Variants in ADGRL2 observed in about 807,000 individuals in gnomAD.
ADGRL2 encodes the protein calcium-independent alpha-latrotoxin receptor 2.
Under a neutral mutation model 157.4 loss-of-function variants are expected in ADGRL2, and 44 were observed. The observed-to-expected ratio is 0.28, with a 90% CI of 0.22 to 0.36. The LOEUF is 0.36. Among genes scored for constraint, ADGRL2 ranks in the 10% least tolerant of loss-of-function variants. The pLI is 1.00. For synonymous variants in ADGRL2, 585 were observed against 624.7 expected (o/e 0.94, Z 0.95); for missense variants, 1,510 against 1,768.9 (o/e 0.85, Z 2.63).
chr1:81,344,685 A>AT (rs1557613400), intron 1 of ADGRL2, among the ~76,000 whole-genome samples: 4 of 151,332 alleles, frequency 2.6e-5, no homozygotes, highest in Non-Finnish European at 5.9e-5. Context: ...AAAAAAAAAA[A>AT]AAAAAGCAGA....
intron 2 of ADGRL2, among the ~76,000 whole-genome samples, chr1:81,864,852 G>A (rs1163869044): frequency 2.0e-5 from 3 of 152,136 alleles, no homozygotes; most frequent in Non-Finnish European, 4.4e-5. Context: ...TGGGTGTTGT[G>A]GTGGGTGCCT....
At chr1:81,394,945 C>A (rs1301034288) in intron 1 of ADGRL2, among the ~76,000 whole-genome samples, 1 of 151,720 alleles carries the variant, frequency 6.6e-6, no homozygotes, top group Non-Finnish European at 1.5e-5. Flanking sequence ...GTCACCCTGG[C>A]CAGAGTGCAG....
At chr1:81,471,445 A>G (rs2078170174) in intron 2 of ADGRL2, among the ~76,000 whole-genome samples, 1 of 152,274 alleles carries the variant, frequency 6.6e-6, no homozygotes, top group Non-Finnish European at 1.5e-5. Context: ...TAGCCACTAG[A>G]TGTCAATACA....
At chr1:81,488,607 C>T (rs912782777) in intron 2 of ADGRL2, among the ~76,000 whole-genome samples, 1 of 151,218 alleles carries the variant, frequency 6.6e-6, no homozygotes, top group African/African-American at 2.4e-5. Context: ...ACCTGGGAGG[C>T]TGAGGTGAGA....
At chr1:81,933,467 AC>A (rs1449499475) in intron 3 of ADGRL2, among the ~76,000 whole-genome samples, 4 of 152,204 alleles carry the variant, frequency 2.6e-5, no homozygotes, top group Non-Finnish European at 5.9e-5. Flanking sequence ...GAAAATACAA[AC>A]GACTAAACAC....
intron 2 of ADGRL2, among the ~76,000 whole-genome samples, chr1:81,883,037 T>C (rs1363946369): frequency 1.3e-5 from 2 of 152,216 alleles, no homozygotes; most frequent in African/African-American, 4.8e-5. Flanking sequence ...AAACTATCTC[T>C]GTTTACTCTT....
chr1:81,953,589 C>T (rs925319112), intron 10 of ADGRL2, among the ~76,000 whole-genome samples: 1 of 152,042 alleles, frequency 6.6e-6, no homozygotes, highest in African/African-American at 2.4e-5. Context: ...TTTTATCAAG[C>T]TAATAGGAAC....
chr1:81,749,130 A>C (rs753367582), intron 1 of ADGRL2, among the ~76,000 whole-genome samples: 5 of 152,168 alleles, frequency 3.3e-5, no homozygotes, highest in Non-Finnish European at 7.3e-5. Context: ...TTTTTACCTT[A>C]AAAATTCCAC....
chr1:81,496,159 G>T lies in ADGRL2; in HGVS notation c.-248+51070G>T, dbSNP rs559805766. Among the ~76,000 whole-genome samples the T allele has an allele frequency of 4.6e-5, 7 of 152,192 alleles. No individual in the cohort carries two copies. The South Asian group carries it at 1.5e-3, about 32-fold the overall frequency. ...TAACACAATAGGAAATGTCACAATC[G>T]TTTTAATTTTATTATTGAAACCCAA... On this transcript the variant is annotated intron_variant, in intron 2 of 24. Coordinates refer to the ADGRL2 transcript ENST00000370721.
chr1:81,408,933 G>C (rs747023678), intron 1 of ADGRL2, among the ~76,000 whole-genome samples: 3 of 152,286 alleles, frequency 2.0e-5, no homozygotes, highest in Non-Finnish European at 4.4e-5. Flanking sequence ...GATCAAATAG[G>C]AAGAGATGTG....
intron 3 of ADGRL2, among the ~76,000 whole-genome samples, chr1:81,918,782 T>C (rs1557910841): frequency 6.6e-6 from 1 of 152,178 alleles, no homozygotes; most frequent in Admixed American, 6.6e-5. Context: ...GCTAAAAATA[T>C]TGAAGTATTA....
intron 3 of ADGRL2, among the ~76,000 whole-genome samples, chr1:81,918,583 C>T (rs2094911926): frequency 6.6e-6 from 1 of 152,048 alleles, no homozygotes; most frequent in African/African-American, 2.4e-5. Context: ...TATCAGAATG[C>T]CAGTGTTTGT....
At chr1:81,548,446 A>G (rs2080071320) in intron 2 of ADGRL2, among the ~76,000 whole-genome samples, 1 of 151,848 alleles carries the variant, frequency 6.6e-6, no homozygotes, top group South Asian at 2.1e-4. Context: ...TTCAGTATGA[A>G]AAACTTGAAG....
chr1:81,966,286 C>T, intron 12 of ADGRL2, 103 bp downstream of exon 12: 1 of 1,536,526 alleles, frequency 6.5e-7, no homozygotes, highest in African/African-American at 1.4e-5. Flanking sequence ...AAACGGCTTA[C>T]CATTTAAAAG....
At chr1:81,502,178 A>T in intron 2 of ADGRL2, 1 of 1,593,612 alleles carries the variant, frequency 6.3e-7, no homozygotes, top group Non-Finnish European at 8.5e-7. Flanking sequence ...CCAAGATCCC[A>T]GAGTGGCACC....
intron 1 of ADGRL2, chr1:81,723,005 T>C (rs1344127064): frequency 1.1e-5 from 9 of 788,710 alleles, no homozygotes; most frequent in African/African-American, 1.7e-5. Flanking sequence ...TTTGTCAAAA[T>C]ACCACAGCAA....
At chr1:81,958,758 C>A (rs951854379) in intron 11 of ADGRL2, among the ~76,000 whole-genome samples, 2 of 152,024 alleles carry the variant, frequency 1.3e-5, no homozygotes, top group Non-Finnish European at 2.9e-5. Context: ...TCAGATGGGC[C>A]CTTCATGCTC....
At chr1:81,690,481 A>G (rs475900) in intron 3 of ADGRL2, among the ~76,000 whole-genome samples, 54,255 of 152,026 alleles carry the variant, frequency 0.36, 9,827 homozygotes, top group Admixed American at 0.42. Flanking sequence ...GGGTGACAGA[A>G]TAAGACTCTG....
intron 1 of ADGRL2, among the ~76,000 whole-genome samples, chr1:81,725,915 G>T (rs760385892): frequency 6.6e-6 from 1 of 152,092 alleles, no homozygotes; most frequent in Admixed American, 6.5e-5. Flanking sequence ...CCTGGGAGGC[G>T]GAGGTTGCAG....
Sources: allele counts gnomAD v4.1 joint callset (sites outside exome capture counted in the v4.1 genomes callset), GRCh38; gene constraint gnomAD v4.1.1; transcripts MANE v1.5; gene names NCBI Gene and HGNC (gene_info 2026-07-23, HGNC 2026-07-21).